MAP3K3: variants seen among roughly 807,000 people sequenced by gnomAD.
MAP3K3 encodes mitogen-activated protein kinase kinase kinase 3, also known as MAP/ERK kinase kinase 3.
Under a neutral mutation model 80.9 loss-of-function variants are expected in MAP3K3, and 12 were observed. The observed-to-expected ratio is 0.15, with a 90% CI of 0.10 to 0.24. The LOEUF is 0.24. MAP3K3 is among the 10% of genes least tolerant of loss of function. MAP3K3 has a pLI of 1.00. For synonymous variants in MAP3K3, 272 were observed against 307.1 expected (o/e 0.89, Z 1.19); for missense variants, 596 against 834.7 (o/e 0.71, Z 3.52).
Position 63,694,492 on chromosome 17 carries a change from C to T in MAP3K3, c.*715C>T, listed in dbSNP as rs976564362. ...TCCAGTTTTGTCAATGCAGTTGTCTCTGTTTTACAAGTTGGAGTCACTCTT... is the reference window on the plus strand; with the variant it reads ...TCCAGTTTTGTCAATGCAGTTGTCTTTGTTTTACAAGTTGGAGTCACTCTT... On this transcript the variant is annotated 3_prime_UTR_variant, in exon 16 of 16. Coordinates refer to ENST00000361733, the MANE Select transcript of MAP3K3 (RefSeq NM_002401.5). 2.6e-5 allele frequency: 4 copies of T among 152,824 alleles called. No individual in the cohort carries two copies. The highest frequency in any genetic ancestry group is 9.6e-5 in the African/African-American group (4 of 41,584). The allele number at this position is 152,824 out of a possible 1,614,324, so 9.5% of individuals were successfully genotyped here.
intron 5 of MAP3K3, among the ~76,000 whole-genome samples, chr17:63,666,390 C>T (rs1184584389): frequency 6.6e-6 from 1 of 152,114 alleles, no homozygotes; most frequent in Non-Finnish European, 1.5e-5. Context: ...TCTCAGCTAA[C>T]CCGGAGGCTG....
intron 6 of MAP3K3, among the ~76,000 whole-genome samples, chr17:63,670,144 A>C (rs2035074955): frequency 6.6e-6 from 1 of 152,114 alleles, no homozygotes; most frequent in East Asian, 1.9e-4. Context: ...ACTATGTGCC[A>C]GAAATATGGG....
rs2034536620 is a variant in MAP3K3, at chr17:63,646,107, A to T, written c.167+33A>T. Reference sequence around the variant, plus strand: ...TGCCTTCTGATGAGTAGCTGTGTTCATGTATGCCAAAGTTCTCAGATAGCA... The same window carrying T: ...TGCCTTCTGATGAGTAGCTGTGTTCTTGTATGCCAAAGTTCTCAGATAGCA... On this transcript the variant is annotated intron_variant, in intron 3 of 15. Transcript: ENST00000361733. 3 of 1,604,446 alleles carry T rather than the reference A, an allele frequency of 1.9e-6. No individual in the cohort carries two copies. The East Asian group carries it at 6.7e-5, about 36-fold the overall frequency.
At chr17:63,658,804 A>T (rs1389242941) in intron 5 of MAP3K3, among the ~76,000 whole-genome samples, 5 of 146,374 alleles carry the variant, frequency 3.4e-5, no homozygotes, top group African/African-American at 1.3e-4. Context: ...GTGTGATCTT[A>T]GCTCACTGCA....
In MAP3K3 at chr17:63,681,949, A is replaced by G. The variant is rs369713016; in HGVS notation, c.636+50A>G. 7.0e-5 allele frequency: 92 copies of G among 1,320,626 alleles called. No individual in the cohort carries two copies. The African/African-American group carries it at 1.3e-3, about 18-fold the overall frequency. The allele number at this position is 1,320,626 out of a possible 1,614,324, so 81.8% of individuals were successfully genotyped here. On this transcript the variant is annotated intron_variant, in intron 7 of 15. Transcript: ENST00000361733. ...GCCTGTGGCCTGTATCAGCAGACCAAGCTCATAACAAGGGGTTCTTAGTAG... is the reference window on the plus strand; with the variant it reads ...GCCTGTGGCCTGTATCAGCAGACCAGGCTCATAACAAGGGGTTCTTAGTAG...
At position 63,645,313 on chromosome 17, in the gene MAP3K3, A is replaced by G. The variant is rs77374820; in HGVS notation, c.127-721A>G. Among the ~76,000 whole-genome samples, 4 of 152,230 alleles carry G rather than the reference A, an allele frequency of 2.6e-5. No homozygotes were observed. The South Asian group carries it at 8.3e-4, about 32-fold the overall frequency. Reference sequence around the variant, plus strand: ...GTGACACTCCGTCTCAAAAAAAAAAAGAAACATGATAGACCTGATCTCTGC... The same window carrying G: ...GTGACACTCCGTCTCAAAAAAAAAAGGAAACATGATAGACCTGATCTCTGC... On this transcript the variant is annotated intron_variant, in intron 2 of 15. Coordinates refer to ENST00000361733, the MANE Select transcript of MAP3K3 (RefSeq NM_002401.5).
At position 63,694,994 on chromosome 17, in the gene MAP3K3, C is replaced by A. The variant is rs1162401596; in HGVS notation, c.*1217C>A. The A allele has an allele frequency of 1.3e-5, 2 of 152,504 alleles. No homozygotes were observed. Among genetic ancestry groups the A allele is most frequent in the Non-Finnish European group, 2.9e-5 (2 of 68,140 alleles). The allele number at this position is 152,504 out of a possible 1,614,324, so 9.4% of individuals were successfully genotyped here. On this transcript the variant is annotated 3_prime_UTR_variant, in exon 16 of 16. Transcript: ENST00000361733. ...GGCCATATTTACCTCAGCCTGGGCG[C>A]TGGTCCTTTCTTCCGGCCCCTCCCC...
intron 6 of MAP3K3, among the ~76,000 whole-genome samples, chr17:63,668,943 A>G (rs1487318929): frequency 1.3e-5 from 2 of 152,220 alleles, no homozygotes; most frequent in Admixed American, 1.3e-4. Context: ...AGGTAACATC[A>G]GAGCTGACAC....
intron 1 of MAP3K3, among the ~76,000 whole-genome samples, chr17:63,623,974 C>A (rs1366830020): frequency 1.3e-5 from 2 of 152,166 alleles, no homozygotes; most frequent in African/African-American, 4.8e-5. Context: ...CATCTCTACA[C>A]CCTGGCTTTG....
intron 6 of MAP3K3, among the ~76,000 whole-genome samples, chr17:63,678,001 G>A (rs966484978): frequency 3.3e-5 from 5 of 152,202 alleles, no homozygotes; most frequent in African/African-American, 1.2e-4. Flanking sequence ...CCAGTTCAAG[G>A]AGAAGTTATG....
chr17:63,644,839 C>A (rs2034510215), intron 2 of MAP3K3, among the ~76,000 whole-genome samples: 1 of 152,148 alleles, frequency 6.6e-6, no homozygotes, highest in Admixed American at 6.5e-5. Context: ...ATTAATTTGT[C>A]TTCTTCAAAA....
intron 1 of MAP3K3, among the ~76,000 whole-genome samples, chr17:63,631,795 C>G (rs1334792383): frequency 1.3e-5 from 2 of 152,062 alleles, no homozygotes; most frequent in Admixed American, 6.6e-5. Context: ...ATAGAACTAC[C>G]CTTTGACTTC....
At chr17:63,635,577 C>A (rs1007420593) in intron 2 of MAP3K3, among the ~76,000 whole-genome samples, 2 of 152,126 alleles carry the variant, frequency 1.3e-5, no homozygotes, top group Admixed American at 1.3e-4. Context: ...TCAGCAAATG[C>A]ATTTCTAGGA....
Position 63,692,470 on chromosome 17 carries a change from C to A in MAP3K3, c.1652+51C>A, listed in dbSNP as rs971124117. ...ATTCTTCCACCCAGGCCATAGTGGC[C>A]CCCCATTAGAAACACACCCTGGGGA... On this transcript the variant is annotated intron_variant, in intron 15 of 15. Coordinates refer to ENST00000361733, the MANE Select transcript of MAP3K3 (RefSeq NM_002401.5). The surrounding 1 kb of genome is among the most constrained non-coding windows in gnomAD (Gnocchi z 4.5). The A allele has an allele frequency of 1.2e-5, 19 of 1,534,394 alleles. No individual in the cohort carries two copies. In the East Asian group the frequency reaches 4.2e-4, roughly 34 times the overall value.
At chr17:63,631,967 T>C (rs2034225316) in intron 1 of MAP3K3, among the ~76,000 whole-genome samples, 1 of 152,162 alleles carries the variant, frequency 6.6e-6, no homozygotes, top group South Asian at 2.1e-4. Flanking sequence ...TTATGATGCT[T>C]TAAGAATAAG....
chr17:63,685,474 T>G (rs746041567), intron 7 of MAP3K3, 43 bp from the exon 8 acceptor site: 4 of 1,515,926 alleles, frequency 2.6e-6, no homozygotes, highest in Admixed American at 1.7e-5. Flanking sequence ...CTGGGGGGAA[T>G]TGGGGCTGGG....
Position 63,648,012 on chromosome 17 carries a change from G to A in MAP3K3, c.167+1938G>A, listed in dbSNP as rs535313207. 4.6e-5 allele frequency among the ~76,000 whole-genome samples: 7 copies of A among 152,300 alleles called. No homozygotes were observed. In the South Asian group the frequency reaches 1.2e-3, roughly 27 times the overall value. ...CAGACCCCTGACTGTCCTCCCTTTT[G>A]GCCCCAGGAGGGCTGGGGAGAAGGA... On this transcript the variant is annotated intron_variant, in intron 3 of 15. Transcript: ENST00000361733.
rs894153607 is a variant in MAP3K3 at position 63,689,388 on chromosome 17, C to T, written c.872-156C>T. 33 of 625,954 alleles carry T rather than the reference C, an allele frequency of 5.3e-5. No homozygotes were observed. The Admixed American group carries it at 5.8e-4, about 11-fold the overall frequency. 38.8% of individuals were successfully genotyped at this position (625,954 alleles called of 1,614,324 possible). A position where few individuals can be genotyped will look rare whatever the true frequency, so the allele number is the denominator to read the frequency against. On this transcript the variant is annotated intron_variant, in intron 10 of 15. Coordinates refer to ENST00000361733, the MANE Select transcript of MAP3K3 (RefSeq NM_002401.5). The surrounding 1 kb of genome is among the most constrained non-coding windows in gnomAD (Gnocchi z 4.3). ...GGAATGAGTCAGGTGGGAGTGCGGA[C>T]GGGATGGGCTGGAGCTGGTATTATC...
intron 8 of MAP3K3, among the ~76,000 whole-genome samples, chr17:63,687,118 C>A (rs929207856): frequency 2.0e-5 from 3 of 151,816 alleles, no homozygotes; most frequent in African/African-American, 7.3e-5. Context: ...GTAATCCCAG[C>A]ACTTTGGGAA....
Sources: allele counts gnomAD v4.1 joint callset (sites outside exome capture counted in the v4.1 genomes callset), GRCh38; gene constraint gnomAD v4.1.1; non-coding constraint Gnocchi (gnomAD v3.1); transcripts MANE v1.5; gene names NCBI Gene and HGNC (gene_info 2026-07-23, HGNC 2026-07-21).